The following SEMA6D variants were observed in gnomAD, a reference collection of about 807,000 sequenced individuals.
SEMA6D encodes semaphorin-6D.
SEMA6D carries 35 observed loss-of-function variants against 106.6 expected under a neutral mutation model. The observed-to-expected ratio is 0.33, with a 90% CI of 0.25 to 0.44. SEMA6D has a LOEUF of 0.44. Ranked by LOEUF, SEMA6D falls within the 20% of genes least tolerant of loss-of-function variation. SEMA6D has a pLI of 1.00. For synonymous variants in SEMA6D, 499 were observed against 487.7 expected, an observed-to-expected ratio of 1.02 and a Z score of -0.31; for missense variants, 1,185 against 1,345.9, an observed-to-expected ratio of 0.88 and a Z score of 1.87.
intron 1 of SEMA6D, among the ~76,000 whole-genome samples, chr15:47,208,810 C>T (rs1770601979): frequency 6.6e-6 from 1 of 152,098 alleles, no homozygotes; most frequent in Non-Finnish European, 1.5e-5. Flanking sequence ...TTGGGCATGT[C>T]CTATAACATC....
intron 2 of SEMA6D, among the ~76,000 whole-genome samples, chr15:47,413,245 C>A (rs916919069): frequency 4.7e-4 from 72 of 152,004 alleles, no homozygotes; most frequent in African/African-American, 1.7e-3. Flanking sequence ...AAGAGAGCAC[C>A]ATCTCTGGAA....
At chr15:47,735,109 C>T (rs2080367544) in intron 1 of SEMA6D, among the ~76,000 whole-genome samples, 1 of 152,058 alleles carries the variant, frequency 6.6e-6, no homozygotes, top group Non-Finnish European at 1.5e-5. Flanking sequence ...ATTGACATCC[C>T]TGAGGATTTT....
intron 1 of SEMA6D, among the ~76,000 whole-genome samples, chr15:47,249,625 A>C (rs2141901735): frequency 6.6e-6 from 1 of 152,258 alleles, no homozygotes; most frequent in South Asian, 2.1e-4. Context: ...TAGGAGCCTA[A>C]GTGTGCTGAA....
chr15:47,643,754 G>A (rs2077531869), intron 4 of SEMA6D, among the ~76,000 whole-genome samples: 1 of 152,128 alleles, frequency 6.6e-6, no homozygotes, highest in Non-Finnish European at 1.5e-5. Context: ...TCATTTCTGT[G>A]TGTTGGGAAC....
intron 3 of SEMA6D, among the ~76,000 whole-genome samples, chr15:47,579,760 C>G (rs1431216587): frequency 1.3e-5 from 2 of 152,044 alleles, no homozygotes; most frequent in South Asian, 4.2e-4. Flanking sequence ...CATAAATAAT[C>G]GTAAATATAT....
intron 4 of SEMA6D, among the ~76,000 whole-genome samples, chr15:47,654,328 T>C (rs1430631682): frequency 6.6e-6 from 1 of 152,204 alleles, no homozygotes; most frequent in Non-Finnish European, 1.5e-5. Flanking sequence ...ATTACCAATA[T>C]CCTATTGTGA....
chr15:47,188,778 G>A (rs1198122196), intron 1 of SEMA6D, among the ~76,000 whole-genome samples: 2 of 152,112 alleles, frequency 1.3e-5, no homozygotes, highest in East Asian at 1.9e-4. Context: ...GTACAATCAA[G>A]CCTGCAAGTA....
At chr15:47,416,811 C>T (rs1437754569) in intron 2 of SEMA6D, among the ~76,000 whole-genome samples, 1 of 152,076 alleles carries the variant, frequency 6.6e-6, no homozygotes, top group Non-Finnish European at 1.5e-5. Flanking sequence ...CTTCAGAAAA[C>T]TGCAAGTATT....
At position 47,495,192 on chromosome 15, in the gene SEMA6D, ACT is replaced by A. The variant is rs555965998; in HGVS notation, c.-87+24650_-87+24651del. ...CTTATGGTTGTGCATGATTAAAGAAACTCTATAAATAATAATTTGTGCAACTG... is the reference window on the plus strand; with the variant it reads ...CTTATGGTTGTGCATGATTAAAGAAACTATAAATAATAATTTGTGCAACTG... On this transcript the variant is annotated intron_variant, in intron 3 of 19. Coordinates refer to the SEMA6D transcript ENST00000558014. 1.9e-4 allele frequency among the ~76,000 whole-genome samples: 29 copies of A among 151,990 alleles called. 1 individual carries two copies. Among genetic ancestry groups the A allele is most frequent in the Admixed American group, 3.3e-4 (5 of 15,238 alleles).
At chr15:47,353,789 A>G (rs1016653926) in intron 1 of SEMA6D, among the ~76,000 whole-genome samples, 5 of 152,162 alleles carry the variant, frequency 3.3e-5, no homozygotes, top group Non-Finnish European at 5.9e-5. Context: ...TCCTTTTCCT[A>G]AAGGCAACAG....
At chr15:47,687,764 A>G (rs1345607230) in intron 4 of SEMA6D, among the ~76,000 whole-genome samples, 3 of 152,116 alleles carry the variant, frequency 2.0e-5, no homozygotes, top group African/African-American at 7.2e-5. Context: ...GTGGAGTAGA[A>G]GCAACCAGAT....
Position 47,772,839 on chromosome 15 carries a change from T to TC in SEMA6D, c.*1056dup, listed in dbSNP as rs1202859763. 4 of 120,412 alleles carry TC rather than the reference T, an allele frequency of 3.3e-5. No homozygotes were observed. The highest frequency in any genetic ancestry group is 4.9e-5 in the Non-Finnish European group (3 of 60,656). The allele number at this position is 120,412 out of a possible 1,614,324, so 7.5% of individuals were successfully genotyped here. On this transcript the variant is annotated 3_prime_UTR_variant, in exon 19 of 19. Coordinates refer to ENST00000536845, the MANE Select transcript of SEMA6D (RefSeq NM_001358351.3). ...ATAGTAAAATTTCTCCTCCTTTAAC[T>TC]CCTCCTACCCCCCAAGGTAAGAAAC... is the stretch of plus-strand genomic sequence containing the variant.
rs968757020 is a variant in SEMA6D at position 47,285,939 on chromosome 15, T to G, written c.-239+101521T>G. ...ACATTTTATTGGATATTGGAAGATT[T>G]TTTTTAAAAGCAAAGGTTCTCTGAT... On this transcript the variant is annotated intron_variant, in intron 1 of 19. Coordinates refer to the SEMA6D transcript ENST00000558014. Among the ~76,000 whole-genome samples the G allele has an allele frequency of 3.3e-5, 5 of 152,358 alleles. No homozygotes were observed. The South Asian group carries it at 1.0e-3, about 32-fold the overall frequency.
chr15:47,607,961 C>G (rs898573174), intron 4 of SEMA6D, among the ~76,000 whole-genome samples: 10 of 152,190 alleles, frequency 6.6e-5, no homozygotes, highest in African/African-American at 2.2e-4. Context: ...TATCTTATCC[C>G]TTTCAAAGCT....
chr15:47,767,146 A>G, intron 17 of SEMA6D, 53 bp downstream of exon 17: 1 of 1,213,994 alleles, frequency 8.2e-7, no homozygotes, highest in Non-Finnish European at 1.2e-6. Flanking sequence ...CCTTCAGTTC[A>G]GCATTTTCAG....
At chr15:47,730,073 G>T in intron 1 of SEMA6D, 1 of 721,630 alleles carries the variant, frequency 1.4e-6, no homozygotes, top group Non-Finnish European at 2.3e-6. Flanking sequence ...GTTTAGTTTA[G>T]TTTAGTTTTG....
chr15:47,478,488 A>G (rs1290709178), intron 3 of SEMA6D, among the ~76,000 whole-genome samples: 1 of 152,228 alleles, frequency 6.6e-6, no homozygotes, highest in Non-Finnish European at 1.5e-5. Flanking sequence ...CAAATATTAT[A>G]GAGAAAGAAT....
chr15:47,278,182 T>G (rs973194510), intron 1 of SEMA6D, among the ~76,000 whole-genome samples: 1 of 152,066 alleles, frequency 6.6e-6, no homozygotes. Flanking sequence ...CCTGAGGAAT[T>G]GCCACACTGA....
rs763195134 is a variant in SEMA6D at position 47,764,247 on chromosome 15, C to G, written c.1039C>G (p.Gln347Glu). 1 of 1,613,788 alleles carries G rather than the reference C, an allele frequency of 6.2e-7. No individual in the cohort carries two copies. The highest frequency in any genetic ancestry group is 8.5e-7 in the Non-Finnish European group (1 of 1,179,780). The change falls in exon 11 of 19, where the codon CAG becomes GAG. Residue 347 changes from glutamine to glutamate, a missense_variant. Physicochemically the swap from Gln to Glu is conservative, Grantham distance 29. This residue lies in a region of SEMA6D where 291 missense variants were observed against 423.8 expected (regional missense o/e 0.69). Transcript: ENST00000536845. ...EKVFKGRFKE[Q>E]KTPDSVWTAV... ...AGTATTCAAAGGACGGTTTAAGGAA[C>G]AGAAAACTCCAGATTCTGTTTGGAC...
Sources: gnomAD v4.1 joint callset for allele counts (sites outside exome capture counted in the v4.1 genomes callset) on GRCh38, gnomAD v4.1.1 for gene constraint, gnomAD v4.1.1 regional missense constraint, MANE v1.5 for transcripts, NCBI Gene and HGNC (gene_info 2026-07-23, HGNC 2026-07-21) for gene names.